Variants in POT1 observed in about 807,000 individuals in gnomAD.
The protein encoded by POT1 is protection of telomeres 1, also known as protection of telomeres protein 1.
Under a neutral mutation model 78.5 loss-of-function variants are expected in POT1, and 47 were observed. That is an observed-to-expected ratio of 0.60 (90% CI 0.47 to 0.76). POT1 has a LOEUF of 0.76. Ranked by LOEUF, POT1 falls within the 30% of genes least tolerant of loss-of-function variation. POT1 has a pLI of 0.00. For missense variants in POT1, 646 were observed against 749.9 expected, an observed-to-expected ratio of 0.86 and a Z score of 1.62; for synonymous variants, 259 against 260.7, an observed-to-expected ratio of 0.99 and a Z score of 0.06.
chr7:124,927,307 A>G (rs1159861794), intron 2 of POT1, among the ~76,000 whole-genome samples: 1 of 152,160 alleles, frequency 6.6e-6, no homozygotes, highest in African/African-American at 2.4e-5. Context: ...TAGCAACATA[A>G]TGCTCTGTTT....
intron 5 of POT1, 191 bp from the exon 6 acceptor site, chr7:124,892,571 T>C (rs1239973283): frequency 5.4e-6 from 2 of 367,900 alleles, no homozygotes; most frequent in East Asian, 4.2e-5. Flanking sequence ...ACTTTGTTTA[T>C]AAATGGTACA....
chr7:124,825,404 CTT>C, intron 17 of POT1, 47 bp from the exon 18 acceptor site: 1 of 1,162,154 alleles, frequency 8.6e-7, no homozygotes. Context: ...AATATTAATC[CTT>C]TTTAATGTTA....
At chr7:124,904,388 C>A (rs1563015218) in intron 3 of POT1, among the ~76,000 whole-genome samples, 1 of 152,104 alleles carries the variant, frequency 6.6e-6, no homozygotes, top group African/African-American at 2.4e-5. Flanking sequence ...GAAACAAAGA[C>A]AAAAACCACA....
At position 124,851,874 on chromosome 7, in the gene POT1, G is replaced by T; in HGVS notation, c.947C>A (p.Pro316Gln). Residue 316 changes from proline (P) to glutamine (Q), a missense_variant and splice_region_variant, in exon 11 of 19, where the codon CCA becomes CAA. Coordinates refer to ENST00000357628, the MANE Select transcript of POT1 (RefSeq NM_015450.3). ...TCAATGTTAAAGATTATCCTTACTT[G>T]GAAAGCTGTCGTCAGGTTCTGATTG... ...ICQSEPDDSF[P>Q]SSGSVSLYEV... The T allele has an allele frequency of 6.3e-7, 1 of 1,598,784 alleles. No individual in the cohort carries two copies. Among genetic ancestry groups the T allele is most frequent in the Non-Finnish European group, 8.6e-7 (1 of 1,166,576 alleles).
rs992553965 is a variant in POT1 at position 124,898,365 on chromosome 7, C to T, written c.-144G>A. The T allele has an allele frequency of 6.6e-6, 1 of 151,172 alleles. No individual in the cohort carries two copies. The highest frequency in any genetic ancestry group is 2.4e-5 in the African/African-American group (1 of 41,140). 9.4% of individuals were successfully genotyped at this position (151,172 alleles called of 1,614,324 possible). A position where few individuals can be genotyped will look rare whatever the true frequency, so the allele number is the denominator to read the frequency against. On this transcript the variant is annotated 5_prime_UTR_variant, in exon 4 of 19. Coordinates refer to ENST00000357628, the MANE Select transcript of POT1 (RefSeq NM_015450.3). ...AAAAAAACAATAAATCTAGCCACTG[C>T]AATGGTGTCCTACATAGAAAAAAAA... is the stretch of plus-strand genomic sequence containing the variant.
chr7:124,899,274 C>G (rs1332161737), intron 3 of POT1, among the ~76,000 whole-genome samples: 5 of 152,176 alleles, frequency 3.3e-5, no homozygotes, highest in African/African-American at 7.2e-5. Flanking sequence ...CCTCCCAAAA[C>G]AAACTGTCTA....
intron 5 of POT1, 39 bp downstream of exon 5, chr7:124,897,126 T>A: frequency 7.5e-7 from 1 of 1,328,120 alleles, no homozygotes; most frequent in Non-Finnish European, 1.1e-6. Flanking sequence ...TATACAGGTA[T>A]AGGTGTAATA....
intron 6 of POT1, among the ~76,000 whole-genome samples, chr7:124,877,464 G>A (rs925345461): frequency 2.6e-5 from 4 of 152,034 alleles, no homozygotes; most frequent in African/African-American, 9.7e-5. Context: ...TAGATAGATA[G>A]AGAGCAGGCC....
chr7:124,910,044 T>C (rs1424446750), intron 3 of POT1, among the ~76,000 whole-genome samples: 1 of 151,804 alleles, frequency 6.6e-6, no homozygotes, highest in Non-Finnish European at 1.5e-5. Flanking sequence ...TACAGGCTTA[T>C]CCATGCCCAC....
At chr7:124,867,036 T>C (rs1795743923) in intron 7 of POT1, among the ~76,000 whole-genome samples, 1 of 152,236 alleles carries the variant, frequency 6.6e-6, no homozygotes, top group African/African-American at 2.4e-5. Context: ...TAGTGTATAC[T>C]GTTGACTAAA....
Position 124,847,881 on chromosome 7 carries a change from G to A in POT1, c.950-883C>T, listed in dbSNP as rs546838974. 3.9e-5 allele frequency among the ~76,000 whole-genome samples: 6 copies of A among 152,262 alleles called. No homozygotes were observed. The East Asian group carries it at 5.8e-4, about 15-fold the overall frequency. Reference sequence around the variant, plus strand: ...ACACTATACTAGTAAGCATTGAATGGGAAGCCTAGACATAAGCCCACATTT... The same window carrying A: ...ACACTATACTAGTAAGCATTGAATGAGAAGCCTAGACATAAGCCCACATTT... On this transcript the variant is annotated intron_variant, in intron 11 of 18. Coordinates refer to ENST00000357628, the MANE Select transcript of POT1 (RefSeq NM_015450.3).
chr7:124,829,097 G>A, intron 16 of POT1, 157 bp downstream of exon 16: 2 of 763,870 alleles, frequency 2.6e-6, no homozygotes, highest in Admixed American at 1.8e-5. Context: ...AGGCTTGGCA[G>A]ATATCTTTAA....
intron 13 of POT1, among the ~76,000 whole-genome samples, chr7:124,841,827 G>C (rs1038585678): frequency 1.3e-5 from 2 of 151,792 alleles, no homozygotes; most frequent in African/African-American, 4.8e-5. Context: ...AAAGCTGTAT[G>C]ATTTTACAAA....
At chr7:124,887,713 T>C (rs1394977749) in intron 6 of POT1, among the ~76,000 whole-genome samples, 2 of 152,058 alleles carry the variant, frequency 1.3e-5, no homozygotes, top group African/African-American at 4.8e-5. Flanking sequence ...TAAGCATAGT[T>C]TAATTAGCAT....
rs1795057030 is a variant in POT1, at chr7:124,842,709, T to A, written c.1163+98A>T. ...TTCTTGCAAAATATAATATATATAT[T>A]AACAATTTACTTATTCCTAAGACAC... On this transcript the variant is annotated intron_variant, in intron 13 of 18. Coordinates refer to ENST00000357628, the MANE Select transcript of POT1 (RefSeq NM_015450.3). The A allele has an allele frequency of 5.2e-6, 5 of 958,956 alleles. 1 individual carries two copies. 59.4% of individuals were successfully genotyped at this position (958,956 alleles called of 1,614,324 possible). A position where few individuals can be genotyped will look rare whatever the true frequency, so the allele number is the denominator to read the frequency against.
At position 124,846,162 on chromosome 7, in the gene POT1, G is replaced by GACACACACACACACACACAC. The variant is rs60301966; in HGVS notation, c.1006+760_1006+779dup. ...GTACATATGAACACACATTCATACT[G>GACACACACACACACACACAC]ACACACACACACACACACACACCCC... On this transcript the variant is annotated intron_variant, in intron 12 of 18. Coordinates refer to ENST00000357628, the MANE Select transcript of POT1 (RefSeq NM_015450.3). 1.0e-3 allele frequency among the ~76,000 whole-genome samples: 154 copies of GACACACACACACACACACAC among 148,820 alleles called. 1 individual carries two copies. The highest frequency in any genetic ancestry group is 3.5e-3 in the Middle Eastern group (1 of 284).
intron 7 of POT1, among the ~76,000 whole-genome samples, chr7:124,865,799 C>T (rs992632498): frequency 1.3e-5 from 2 of 151,836 alleles, no homozygotes; most frequent in African/African-American, 2.4e-5. Flanking sequence ...CTTGACCTCC[C>T]GGGCTCAAGG....
At chr7:124,853,272 GTATGC>G (rs1795362371) in intron 9 of POT1, 134 bp from the exon 10 acceptor site, 1 of 651,354 alleles carries the variant, frequency 1.5e-6, no homozygotes, top group Non-Finnish European at 2.6e-6. Flanking sequence ...TATCTGCAAA[GTATGC>G]TATACGAGTG....
intron 11 of POT1, among the ~76,000 whole-genome samples, chr7:124,847,816 G>T (rs926484422): frequency 5.9e-5 from 9 of 152,178 alleles, no homozygotes; most frequent in Admixed American, 4.6e-4. Context: ...AAATGGTGCT[G>T]CAATAACTGA....
Sources: allele counts gnomAD v4.1 joint callset (sites outside exome capture counted in the v4.1 genomes callset), GRCh38; gene constraint gnomAD v4.1.1; transcripts MANE v1.5; gene names NCBI Gene and HGNC (gene_info 2026-07-23, HGNC 2026-07-21).